UBE2L5: variants seen among roughly 807,000 people sequenced by gnomAD.
UBE2L5 encodes ubiquitin conjugating enzyme E2 L5, also known as ubiquitin-conjugating enzyme E2 L5.
Under a neutral mutation model 10.0 loss-of-function variants are expected in UBE2L5, and 3 were observed. The observed-to-expected ratio is 0.30, with a 90% CI of 0.14 to 0.78. The LOEUF (loss-of-function observed/expected upper bound fraction) is 0.78. UBE2L5 is among the 30% of genes least tolerant of loss of function. The pLI is 0.65. For missense variants in UBE2L5, 131 were observed against 193.3 expected (o/e 0.68, Z 1.91); for synonymous variants, 60 against 71.9 (o/e 0.83, Z 0.83).
rs569875959 is a variant in UBE2L5 at position 30,422,908 on chromosome 13, C to A, written c.-779+231C>A. On this transcript the variant is annotated intron_variant, in intron 1 of 3. Transcript: ENST00000635918. ...CAAAAAATAGATAAGAAAATCTCTTCTAAAGCGGTGCCAATATCGGGAAAA... is the reference window on the plus strand; with the variant it reads ...CAAAAAATAGATAAGAAAATCTCTTATAAAGCGGTGCCAATATCGGGAAAA... Among the ~76,000 whole-genome samples the A allele has an allele frequency of 8.2e-4, 125 of 152,318 alleles. 1 individual carries two copies. The highest frequency in any genetic ancestry group is 2.9e-3 in the African/African-American group (121 of 41,566).
In UBE2L5 at chr13:30,428,379, C is replaced by G; in HGVS notation, c.389C>G (p.Ser130Cys). The change falls in exon 4 of 4, where the codon TCT becomes TGT. Residue 130 changes from serine (S) to cysteine (C), a missense_variant. Coordinates refer to ENST00000635918, the MANE Select transcript of UBE2L5 (RefSeq NM_001355247.2). ...PLRADLAEEY[S>C]NDRKKFCKNA... ...CGGGCTGACCTAGCTGAAGAATACT[C>G]TAACGACCGTAAAAAATTCTGTAAG... The G allele has an allele frequency of 6.2e-7, 1 of 1,611,576 alleles. No individual in the cohort carries two copies. Among genetic ancestry groups the G allele is most frequent in the Non-Finnish European group, 8.5e-7 (1 of 1,179,628 alleles).
Position 30,428,592 on chromosome 13 carries a change from A to G in UBE2L5, c.*137A>G, listed in dbSNP as rs986237749. Reference sequence around the variant, plus strand: ...CGCTTGCAGCAGTTACTAACTTTCTACAGTTTTCTTAATTAAAAGTGGTCT... The same window carrying G: ...CGCTTGCAGCAGTTACTAACTTTCTGCAGTTTTCTTAATTAAAAGTGGTCT... On this transcript the variant is annotated 3_prime_UTR_variant, in exon 4 of 4. Transcript: ENST00000635918. The G allele has an allele frequency of 1.0e-6, 1 of 975,288 alleles. No individual in the cohort carries two copies. The highest frequency in any genetic ancestry group is 1.5e-6 in the Non-Finnish European group (1 of 668,544). The allele number at this position is 975,288 out of a possible 1,614,324, so 60.4% of individuals were successfully genotyped here.
At position 30,428,548 on chromosome 13, in the gene UBE2L5, C is replaced by A. The variant is rs1253349965; in HGVS notation, c.*93C>A. 1.7e-5 allele frequency: 24 copies of A among 1,421,514 alleles called. No individual in the cohort carries two copies. The highest frequency in any genetic ancestry group is 2.5e-5 in the Admixed American group (1 of 40,486). The allele number at this position is 1,421,514 out of a possible 1,614,324, so 88.1% of individuals were successfully genotyped here. ...AAGCAGGACTCTGTGGAAATTGATA[C>A]GTGCCACCGTCTGGCGTTCGCTTGC... is the stretch of plus-strand genomic sequence containing the variant. On this transcript the variant is annotated 3_prime_UTR_variant, in exon 4 of 4. Transcript: ENST00000635918.
rs1885598776 is a variant in UBE2L5 at position 30,429,632 on chromosome 13, C to T, written c.*1177C>T. Among the ~76,000 whole-genome samples, 1 of 152,170 alleles carries T rather than the reference C, an allele frequency of 6.6e-6. No homozygotes were observed. The highest frequency in any genetic ancestry group is 2.4e-5 in the African/African-American group (1 of 41,440). On this transcript the variant is annotated 3_prime_UTR_variant, in exon 4 of 4. Coordinates refer to ENST00000635918, the MANE Select transcript of UBE2L5 (RefSeq NM_001355247.2). ...TGGTGATAAGATTTGTCCTGTAGAA[C>T]ATATACATAGAGGATTGTTCACTCT... is the stretch of plus-strand genomic sequence containing the variant.
chr13:30,423,521 G>A (rs1301773820), intron 1 of UBE2L5, among the ~76,000 whole-genome samples: 1 of 152,222 alleles, frequency 6.6e-6, no homozygotes, highest in Non-Finnish European at 1.5e-5. Context: ...GAGACAGGAG[G>A]ATGGCATGAG....
chr13:30,428,127 A>G lies in UBE2L5; in HGVS notation c.137A>G (p.Tyr46Cys). 3 of 1,608,364 alleles carry G rather than the reference A, an allele frequency of 1.9e-6. No homozygotes were observed. Among genetic ancestry groups the G allele is most frequent in the Non-Finnish European group, 2.6e-6 (3 of 1,174,676 alleles). The change falls in exon 4 of 4, where the codon TAT becomes TGT. Residue 46 changes from tyrosine (Y) to cysteine (C), a missense_variant. Physicochemically the swap from Tyr to Cys is radical, Grantham distance 194 (BLOSUM62 -2). Coordinates refer to ENST00000635918, the MANE Select transcript of UBE2L5 (RefSeq NM_001355247.2). Reference sequence around the variant, plus strand: ...CTTATTGTTCCTGACAACCCTCCGTATAATAAGGGGGCCTTCAGAATCGAA... The same window carrying G: ...CTTATTGTTCCTGACAACCCTCCGTGTAATAAGGGGGCCTTCAGAATCGAA... Reference protein sequence around the residue: ...QGLIVPDNPPYNKGAFRIEIN... With the variant: ...QGLIVPDNPPCNKGAFRIEIN...
intron 1 of UBE2L5, among the ~76,000 whole-genome samples, chr13:30,423,424 C>A (rs1399975835): frequency 2.0e-5 from 3 of 152,108 alleles, no homozygotes; most frequent in Non-Finnish European, 2.9e-5. Flanking sequence ...GCAGCCTGGG[C>A]AACATAGTGA....
Position 30,428,849 on chromosome 13 carries a change from C to CTTTTTTTTTTTTTT in UBE2L5, c.*399_*412dup, listed in dbSNP as rs56343313. Among the ~76,000 whole-genome samples, 1 of 123,252 alleles carries CTTTTTTTTTTTTTT rather than the reference C, an allele frequency of 8.1e-6. No individual in the cohort carries two copies. The highest frequency in any genetic ancestry group is 1.6e-5 in the Non-Finnish European group (1 of 61,584). The allele number at this position is 123,252 out of a possible 152,430, so 80.9% of individuals were successfully genotyped here. Reference sequence around the variant, plus strand: ...AAGAGATTGTATGCTATATTCCTTGCTTTTTTTTTTTTTTTTTTGGTGGAT... The same window carrying CTTTTTTTTTTTTTT: ...AAGAGATTGTATGCTATATTCCTTGCTTTTTTTTTTTTTTTTTTTTTTTTTTTTTTTTGGTGGAT... On this transcript the variant is annotated 3_prime_UTR_variant, in exon 4 of 4. Transcript: ENST00000635918.
chr13:30,424,382 A>T (rs1885510036), intron 1 of UBE2L5, among the ~76,000 whole-genome samples: 1 of 152,090 alleles, frequency 6.6e-6, no homozygotes, highest in African/African-American at 2.4e-5. Flanking sequence ...CTCAAATCTC[A>T]ATTTCTGGAG....
Sources: gnomAD v4.1 joint callset for allele counts (sites outside exome capture counted in the v4.1 genomes callset) on GRCh38, gnomAD v4.1.1 for gene constraint, MANE v1.5 for transcripts, NCBI Gene and HGNC (gene_info 2026-07-23, HGNC 2026-07-21) for gene names.